The following GRHL2 variants were observed in gnomAD, a reference collection of about 807,000 sequenced individuals.
GRHL2 encodes grainyhead like transcription factor 2.
A neutral mutation model predicts 83.8 loss-of-function variants in GRHL2; 21 were observed. The ratio of observed to expected loss-of-function variants is 0.25; its 90% confidence interval spans 0.18 to 0.36. The LOEUF (loss-of-function observed/expected upper bound fraction) is 0.36, where lower values mean the gene tolerates loss of function less well. Among genes scored for constraint, GRHL2 ranks in the 10% least tolerant of loss-of-function variants. The pLI is 1.00. For missense variants in GRHL2, 623 were observed against 781.8 expected (o/e 0.80, Z 2.42); for synonymous variants, 280 against 278.9 (o/e 1.00, Z -0.04).
At position 101,570,335 on chromosome 8, in the gene GRHL2, G is replaced by A. The variant is rs368059598; in HGVS notation, c.679-4G>A. 1 of 1,612,874 alleles carries A rather than the reference G, an allele frequency of 6.2e-7. No individual in the cohort carries two copies. Among genetic ancestry groups the A allele is most frequent in the Non-Finnish European group, 8.5e-7 (1 of 1,179,078 alleles). Reference sequence around the variant, plus strand: ...TTTTAATTCCGATGACTCATATTTTGCAGAAATTTCGGAGTGCTTCAGTTG... The same window carrying A: ...TTTTAATTCCGATGACTCATATTTTACAGAAATTTCGGAGTGCTTCAGTTG... On this transcript the variant is annotated splice_polypyrimidine_tract_variant and splice_region_variant and intron_variant, in intron 4 of 15. Transcript: ENST00000646743.
chr8:101,589,881 G>A (rs1016440972), intron 7 of GRHL2, among the ~76,000 whole-genome samples: 4 of 152,198 alleles, frequency 2.6e-5, no homozygotes, highest in African/African-American at 9.7e-5. Flanking sequence ...CTGTGTAGCA[G>A]AGGAGTCAAA....
intron 7 of GRHL2, among the ~76,000 whole-genome samples, chr8:101,589,834 A>G (rs142943035): frequency 0.012 from 1,764 of 152,234 alleles, 28 homozygotes; most frequent in East Asian, 0.049. Context: ...TTCAGTTGTT[A>G]TTGTCCTGGA....
chr8:101,568,785 G>A (rs1235424348), intron 4 of GRHL2, among the ~76,000 whole-genome samples: 1 of 151,998 alleles, frequency 6.6e-6, no homozygotes, highest in African/African-American at 2.4e-5. Context: ...TTGATTCTCT[G>A]TCATGATTAT....
At chr8:101,579,508 G>T (rs1339518098) in intron 7 of GRHL2, among the ~76,000 whole-genome samples, 1 of 152,074 alleles carries the variant, frequency 6.6e-6, no homozygotes, top group African/African-American at 2.4e-5. Context: ...TAGCTTCATG[G>T]GTAGCTGGGC....
chr8:101,573,829 G>A lies in GRHL2; in HGVS notation c.891+5G>A. Reference sequence around the variant, plus strand: ...CACCCCATCAGCAAAGTCAGGGTAGGGGCCACATTTCTCAGATAAAGTACA... The same window carrying A: ...CACCCCATCAGCAAAGTCAGGGTAGAGGCCACATTTCTCAGATAAAGTACA... On this transcript the variant is annotated splice_donor_5th_base_variant and intron_variant, in intron 6 of 15. Coordinates refer to ENST00000646743, the MANE Select transcript of GRHL2 (RefSeq NM_024915.4). The A allele has an allele frequency of 6.2e-7, 1 of 1,614,168 alleles. No homozygotes were observed. Among genetic ancestry groups the A allele is most frequent in the Non-Finnish European group, 8.5e-7 (1 of 1,180,018 alleles).
At chr8:101,498,084 G>A (rs895028363) in intron 1 of GRHL2, among the ~76,000 whole-genome samples, 4 of 152,178 alleles carry the variant, frequency 2.6e-5, no homozygotes, top group South Asian at 2.1e-4. Context: ...ACTCATGTGC[G>A]AGCTGGTGTT....
chr8:101,637,003 G>T (rs961734468), intron 12 of GRHL2, 75 bp downstream of exon 12: 136 of 1,321,084 alleles, frequency 1.0e-4, no homozygotes, highest in Non-Finnish European at 1.4e-4. Context: ...CCAGCACTTG[G>T]TAACCCTAGG....
At chr8:101,676,777 T>C in the GRHL2 span, among the ~76,000 whole-genome samples, 3 of 152,196 alleles carry the variant, frequency 2.0e-5, no homozygotes, top group Admixed American at 6.5e-5. Flanking sequence ...TTTATTGCGG[T>C]ACTATTCACA....
At chr8:101,651,603 C>T (rs760336177) in intron 14 of GRHL2, among the ~76,000 whole-genome samples, 1 of 152,166 alleles carries the variant, frequency 6.6e-6, no homozygotes, top group Non-Finnish European at 1.5e-5. Flanking sequence ...ATGTCACCTT[C>T]GATCCCACCT....
intron 1 of GRHL2, among the ~76,000 whole-genome samples, chr8:101,537,041 A>G (rs1811058336): frequency 6.6e-6 from 1 of 150,624 alleles, no homozygotes; most frequent in South Asian, 2.1e-4. Context: ...TTGGTTTTCT[A>G]TTCCTGTGTT....
intron 1 of GRHL2, among the ~76,000 whole-genome samples, chr8:101,505,577 CAAAA>C (rs11395323): frequency 9.9e-6 from 1 of 101,090 alleles, no homozygotes. Context: ...AACTCTGTCT[CAAAA>C]AAAAAAAAAA....
chr8:101,611,645 T>C (rs1372123762), intron 8 of GRHL2, among the ~76,000 whole-genome samples: 1 of 150,848 alleles, frequency 6.6e-6, no homozygotes, highest in Non-Finnish European at 1.5e-5. Context: ...CAATGGCCTT[T>C]TCTCAGTCCT....
downstream of GRHL2, among the ~76,000 whole-genome samples, chr8:101,671,682 G>A (rs1179466643): frequency 6.6e-6 from 1 of 152,228 alleles, no homozygotes; most frequent in Non-Finnish European, 1.5e-5. Context: ...CAGCTTTGAA[G>A]AGAGCAGTGG....
At chr8:101,671,545 T>A (rs1814210032), downstream of GRHL2, among the ~76,000 whole-genome samples, 1 of 152,172 alleles carries the variant, frequency 6.6e-6, no homozygotes, top group Admixed American at 6.5e-5. Context: ...AAGCTCGAAC[T>A]GGGTGGAGCC....
chr8:101,510,868 G>A (rs1485102627), intron 1 of GRHL2, among the ~76,000 whole-genome samples: 1 of 152,186 alleles, frequency 6.6e-6, no homozygotes, highest in African/African-American at 2.4e-5. Context: ...GCTGAGGCAG[G>A]TGGATTACTT....
intron 8 of GRHL2, among the ~76,000 whole-genome samples, chr8:101,617,925 A>G (rs1348958262): frequency 6.6e-6 from 1 of 152,242 alleles, no homozygotes; most frequent in African/African-American, 2.4e-5. Context: ...TGGAAAACCC[A>G]GGGAATCAAA....
the GRHL2 span, among the ~76,000 whole-genome samples, chr8:101,675,630 C>G: frequency 6.6e-6 from 1 of 152,116 alleles, no homozygotes; most frequent in Non-Finnish European, 1.5e-5. Flanking sequence ...AATGGCCATA[C>G]TGCCCAAGGT....
rs1491093287 is a variant in GRHL2 at position 101,668,885 on chromosome 8, G to GT, written c.*2185dup. On this transcript the variant is annotated 3_prime_UTR_variant, in exon 16 of 16. Coordinates refer to ENST00000646743, the MANE Select transcript of GRHL2 (RefSeq NM_024915.4). The stretch of plus-strand genomic sequence containing the variant: ...CTCTCTCCAGCCTCTTTATGAAACT[G>GT]TTTGTTTGCCAGTCCTGCCCTAAGG... 5 of 152,010 alleles carry GT rather than the reference G, an allele frequency of 3.3e-5. No individual in the cohort carries two copies. Among genetic ancestry groups the GT allele is most frequent in the African/African-American group, 4.8e-5 (2 of 41,444 alleles). 9.4% of individuals were successfully genotyped at this position (152,010 alleles called of 1,614,324 possible). A position where few individuals can be genotyped will look rare whatever the true frequency, so the allele number is the denominator to read the frequency against.
At chr8:101,540,018 C>T (rs1811120312) in intron 1 of GRHL2, among the ~76,000 whole-genome samples, 1 of 152,168 alleles carries the variant, frequency 6.6e-6, no homozygotes, top group Admixed American at 6.5e-5. Flanking sequence ...ATTGGGCTCT[C>T]AATAAATATT....
Sources: allele counts gnomAD v4.1 joint callset (sites outside exome capture counted in the v4.1 genomes callset), GRCh38; gene constraint gnomAD v4.1.1; transcripts MANE v1.5; gene names NCBI Gene and HGNC (gene_info 2026-07-23, HGNC 2026-07-21).